The following NFKB1 variants were observed in gnomAD, a reference collection of about 807,000 sequenced individuals.
The protein encoded by NFKB1 is nuclear factor kappa B subunit 1, also known as nuclear factor NF-kappa-B p105 subunit.
In NFKB1, 9 loss-of-function variants were observed where a neutral mutation model predicts 105.1. The observed-to-expected ratio is 0.09, with a 90% CI of 0.05 to 0.15. The LOEUF (loss-of-function observed/expected upper bound fraction) is 0.15, where lower values mean the gene tolerates loss of function less well. NFKB1 is among the 10% of genes least tolerant of loss of function. The pLI, the probability that NFKB1 is intolerant of heterozygous loss-of-function variation, is 1.00. For missense variants in NFKB1, 830 were observed against 1,203.7 expected, an observed-to-expected ratio of 0.69 and a Z score of 4.59; for synonymous variants, 440 against 442.2, an observed-to-expected ratio of 1.00 and a Z score of 0.06.
intron 5 of NFKB1, among the ~76,000 whole-genome samples, chr4:102,566,596 A>G (rs1193223298): frequency 6.6e-6 from 1 of 152,174 alleles, no homozygotes; most frequent in Non-Finnish European, 1.5e-5. Context: ...TTTCTTTCTC[A>G]TCAATCATTT....
Position 102,616,848 on chromosome 4 carries a change from T to C in NFKB1, c.*254T>C, listed in dbSNP as rs868423489. 12 of 336,674 alleles carry C rather than the reference T, an allele frequency of 3.6e-5. No homozygotes were observed. Among genetic ancestry groups the C allele is most frequent in the Non-Finnish European group, 5.5e-5 (10 of 180,634 alleles). The allele number at this position is 336,674 out of a possible 1,614,324, so 20.9% of individuals were successfully genotyped here. A position where few individuals can be genotyped will look rare whatever the true frequency, so the allele number is the denominator to read the frequency against. On this transcript the variant is annotated 3_prime_UTR_variant, in exon 24 of 24. Transcript: ENST00000226574. Reference sequence around the variant, plus strand: ...CGGATGCATCTGGGGATGAGGTTGCTTACTAAGCTTTGCCAGCTGCTGCTG... The same window carrying C: ...CGGATGCATCTGGGGATGAGGTTGCCTACTAAGCTTTGCCAGCTGCTGCTG...
chr4:102,544,710 G>C (rs192633447), intron 5 of NFKB1, among the ~76,000 whole-genome samples: 1 of 151,986 alleles, frequency 6.6e-6, no homozygotes, highest in Non-Finnish European at 1.5e-5. Context: ...CTCTAAATCC[G>C]CTGTATATAT....
At chr4:102,540,078 C>T (rs1175770687) in intron 5 of NFKB1, among the ~76,000 whole-genome samples, 2 of 152,096 alleles carry the variant, frequency 1.3e-5, no homozygotes, top group African/African-American at 4.8e-5. Flanking sequence ...TTGAAAGACA[C>T]ATGTTATCAG....
intron 16 of NFKB1, among the ~76,000 whole-genome samples, chr4:102,603,055 C>T (rs967845081): frequency 2.6e-5 from 4 of 152,080 alleles, no homozygotes; most frequent in Admixed American, 1.3e-4. Context: ...GCAAAGGACA[C>T]AGCACAACAG....
At position 102,524,638 on chromosome 4, in the gene NFKB1, A is replaced by C. The variant is rs1740785524; in HGVS notation, c.-7-874A>C. Among the ~76,000 whole-genome samples, 7 of 152,302 alleles carry C rather than the reference A, an allele frequency of 4.6e-5. No homozygotes were observed. In the South Asian group the frequency reaches 1.5e-3, roughly 32 times the overall value. ...TTAAATAATTATACAACTCACCATA[A>C]TGTAGAATCAGTAGGAGACCTGAGC... On this transcript the variant is annotated intron_variant, in intron 1 of 23. Coordinates refer to ENST00000226574, the MANE Select transcript of NFKB1 (RefSeq NM_003998.4).
At chr4:102,566,520 G>A (rs1723884572) in intron 5 of NFKB1, among the ~76,000 whole-genome samples, 1 of 152,126 alleles carries the variant, frequency 6.6e-6, no homozygotes, top group African/African-American at 2.4e-5. Context: ...TAATCACATG[G>A]CACAGAGTTA....
Position 102,606,709 on chromosome 4 carries a change from TCA to T in NFKB1, c.1954+17_1954+18del. ...CCCCAACGGGGACGGTAAGAGACAATCACACATCATTGGTGTAACTTTCTCCA... is the reference window on the plus strand; with the variant it reads ...CCCCAACGGGGACGGTAAGAGACAATCACATCATTGGTGTAACTTTCTCCA... On this transcript the variant is annotated intron_variant, in intron 17 of 23. Coordinates refer to ENST00000226574, the MANE Select transcript of NFKB1 (RefSeq NM_003998.4). The T allele has an allele frequency of 1.2e-6, 2 of 1,610,662 alleles. No individual in the cohort carries two copies. The highest frequency in any genetic ancestry group is 1.7e-6 in the Non-Finnish European group (2 of 1,177,620).
intron 1 of NFKB1, among the ~76,000 whole-genome samples, chr4:102,518,783 G>A (rs983949250): frequency 9.9e-5 from 15 of 152,164 alleles, no homozygotes; most frequent in Admixed American, 6.5e-5. Flanking sequence ...TGGCTACTCA[G>A]CTGGTGCTAG....
intron 11 of NFKB1, among the ~76,000 whole-genome samples, chr4:102,587,980 C>T: frequency 6.6e-6 from 1 of 152,176 alleles, no homozygotes; most frequent in African/African-American, 2.4e-5. Context: ...TCCTTACCCC[C>T]AGTCTCTGTA....
intron 10 of NFKB1, among the ~76,000 whole-genome samples, 178 bp downstream of exon 10, chr4:102,583,135 G>T (rs1165906872): frequency 6.6e-6 from 1 of 152,022 alleles, no homozygotes; most frequent in African/African-American, 2.4e-5. Flanking sequence ...ATGCTACCAT[G>T]CCCAGCTAGT....
intron 1 of NFKB1, among the ~76,000 whole-genome samples, chr4:102,517,720 C>G (rs1740291486): frequency 6.6e-6 from 1 of 151,976 alleles, no homozygotes; most frequent in African/African-American, 2.4e-5. Context: ...TTAACTAGAG[C>G]CTTGAAGAGT....
chr4:102,601,137 T>C, intron 16 of NFKB1, 128 bp downstream of exon 16: 1 of 614,334 alleles, frequency 1.6e-6, no homozygotes, highest in East Asian at 2.8e-5. Context: ...CCTTTGTAGG[T>C]AATATCTAAA....
intron 1 of NFKB1, among the ~76,000 whole-genome samples, chr4:102,516,873 C>T (rs530396922): frequency 6.6e-6 from 1 of 152,204 alleles, no homozygotes; most frequent in East Asian, 1.9e-4. Context: ...TTTAGAGTAG[C>T]CCTTATTTTA....
At chr4:102,539,292 A>G (rs1741848864) in intron 5 of NFKB1, among the ~76,000 whole-genome samples, 1 of 150,730 alleles carries the variant, frequency 6.6e-6, no homozygotes, top group Non-Finnish European at 1.5e-5. Context: ...CCAGCCTTGC[A>G]TTTTGTTTCT....
intron 6 of NFKB1, among the ~76,000 whole-genome samples, chr4:102,573,450 C>G (rs1162008481): frequency 6.6e-6 from 1 of 151,668 alleles, no homozygotes; most frequent in African/African-American, 2.4e-5. Flanking sequence ...TTTTTTTTCT[C>G]TCTAGCAGCT....
At chr4:102,538,556 T>C (rs1741787812) in intron 5 of NFKB1, among the ~76,000 whole-genome samples, 1 of 152,232 alleles carries the variant, frequency 6.6e-6, no homozygotes, top group African/African-American at 2.4e-5. Context: ...TGAGCAGATG[T>C]GTGGCCCTCT....
At chr4:102,525,422 C>G in intron 1 of NFKB1, 90 bp from the exon 2 acceptor site, 1 of 1,235,008 alleles carries the variant, frequency 8.1e-7, no homozygotes, top group Non-Finnish European at 1.2e-6. Context: ...TGGTATAATA[C>G]AGTTTATTCC....
chr4:102,515,973 C>G (rs763001243), intron 1 of NFKB1, among the ~76,000 whole-genome samples: 11 of 152,124 alleles, frequency 7.2e-5, no homozygotes, highest in Non-Finnish European at 1.6e-4. Flanking sequence ...TTGAAAATGT[C>G]AATTTCACCT....
At chr4:102,567,417 A>C (rs961845701) in intron 6 of NFKB1, among the ~76,000 whole-genome samples, 5 of 152,204 alleles carry the variant, frequency 3.3e-5, no homozygotes, top group African/African-American at 1.2e-4. Flanking sequence ...ATATGTGGTC[A>C]CTTGACCTAC....
Sources: gnomAD v4.1 joint callset for allele counts (sites outside exome capture counted in the v4.1 genomes callset) on GRCh38, gnomAD v4.1.1 for gene constraint, MANE v1.5 for transcripts, NCBI Gene and HGNC (gene_info 2026-07-23, HGNC 2026-07-21) for gene names.